ASCC3: variants seen among roughly 807,000 people sequenced by gnomAD.
The protein encoded by ASCC3 is ASC-1 complex subunit P200.
A neutral mutation model predicts 256.3 loss-of-function variants in ASCC3; 158 were observed. The ratio of observed to expected loss-of-function variants is 0.62; its 90% confidence interval spans 0.54 to 0.70. ASCC3 has a LOEUF of 0.70. Ranked by LOEUF, ASCC3 falls within the 30% of genes least tolerant of loss-of-function variation. ASCC3 has a pLI of 0.00. For missense variants in ASCC3, 2,259 were observed against 2,626.0 expected (o/e 0.86, Z 3.05); for synonymous variants, 948 against 883.4 (o/e 1.07, Z -1.30).
chr6:100,617,846 A>G (rs1379809698), intron 30 of ASCC3, among the ~76,000 whole-genome samples: 1 of 152,218 alleles, frequency 6.6e-6, no homozygotes, highest in Non-Finnish European at 1.5e-5. Context: ...AGAATCCCTC[A>G]GGGCCTGCCC....
At chr6:100,877,869 A>T (rs1189837641) in intron 1 of ASCC3, among the ~76,000 whole-genome samples, 1 of 152,202 alleles carries the variant, frequency 6.6e-6, no homozygotes, top group Non-Finnish European at 1.5e-5. Flanking sequence ...GCATGATTCT[A>T]GTTTTTAACA....
intron 13 of ASCC3, among the ~76,000 whole-genome samples, chr6:100,702,507 G>T (rs566003765): frequency 6.6e-6 from 1 of 152,196 alleles, no homozygotes; most frequent in Admixed American, 6.5e-5. Context: ...TCAGAAAAGA[G>T]GTCTGGGTTT....
intron 37 of ASCC3, among the ~76,000 whole-genome samples, chr6:100,526,731 GGAA>G (rs1774595906): frequency 6.6e-6 from 1 of 152,216 alleles, no homozygotes; most frequent in East Asian, 1.9e-4. Flanking sequence ...CTTTGCATTT[GGAA>G]GAATAATCAC....
At chr6:100,662,805 C>T (rs2114933597) in intron 14 of ASCC3, among the ~76,000 whole-genome samples, 1 of 152,060 alleles carries the variant, frequency 6.6e-6, no homozygotes, top group African/African-American at 2.4e-5. Context: ...TCCCTTTTTG[C>T]AATCAATCAG....
chr6:100,674,394 G>T (rs1351183715), intron 14 of ASCC3, among the ~76,000 whole-genome samples: 2 of 151,886 alleles, frequency 1.3e-5, no homozygotes, highest in Admixed American at 1.3e-4. Flanking sequence ...TACATATAAA[G>T]ATGTAGATAT....
chr6:100,648,521 A>G (rs1410980574), intron 20 of ASCC3, among the ~76,000 whole-genome samples: 1 of 152,050 alleles, frequency 6.6e-6, no homozygotes, highest in African/African-American at 2.4e-5. Flanking sequence ...TATATAAGAT[A>G]TGCGCTGTCT....
Position 100,767,235 on chromosome 6 carries a change from T to C in ASCC3, c.1506A>G (p.Gly502=). Residue 502 remains glycine (G), a synonymous_variant, in exon 9 of 42, where the codon GGA becomes GGG. Coordinates refer to ENST00000369162, the MANE Select transcript of ASCC3 (RefSeq NM_006828.4). ...GCATTGCAATGTTGGTTTTTCCAGC[T>C]CCTGTAGGGGCACAAATCAGCATGT... The part of the protein sequence containing the change: ...NENMLICAPT[G]AGKTNIAMLT... The C allele has an allele frequency of 6.2e-7, 1 of 1,614,128 alleles. No individual in the cohort carries two copies. The highest frequency in any genetic ancestry group is 8.5e-7 in the Non-Finnish European group (1 of 1,180,004).
At chr6:100,611,310 C>G (rs935961066) in intron 30 of ASCC3, among the ~76,000 whole-genome samples, 3 of 152,028 alleles carry the variant, frequency 2.0e-5, no homozygotes, top group African/African-American at 4.8e-5. Flanking sequence ...TCATAAAAAG[C>G]AAAATTTATA....
chr6:100,765,535 G>A (rs9498346), intron 10 of ASCC3, among the ~76,000 whole-genome samples: 148,232 of 152,254 alleles, frequency 0.97, 72,290 homozygotes, highest in East Asian at 1. Flanking sequence ...ACATCTACCT[G>A]TGTCCTGGAA....
chr6:100,736,626 G>A (rs1780182566), intron 10 of ASCC3, among the ~76,000 whole-genome samples: 1 of 152,160 alleles, frequency 6.6e-6, no homozygotes, highest in African/African-American at 2.4e-5. Flanking sequence ...GTGTATAAAA[G>A]CAAAGAAGCA....
rs151117368 is a variant in ASCC3 at position 100,743,947 on chromosome 6, G to T, written c.1738-18244C>A. Among the ~76,000 whole-genome samples the T allele has an allele frequency of 4.8e-3, 738 of 152,188 alleles. 6 individuals carry two copies. Among genetic ancestry groups the T allele is most frequent in the African/African-American group, 0.017 (709 of 41,520 alleles). On this transcript the variant is annotated intron_variant, in intron 10 of 41. Coordinates refer to ENST00000369162, the MANE Select transcript of ASCC3 (RefSeq NM_006828.4). The stretch of plus-strand genomic sequence containing the variant: ...ATCATCATCATTACCATCATGCAGG[G>T]TTTTTAAACTATTTTTAAAATTGTA...
chr6:100,549,787 T>C (rs1391648467), intron 36 of ASCC3, among the ~76,000 whole-genome samples: 1 of 151,842 alleles, frequency 6.6e-6, no homozygotes. Flanking sequence ...TATAAATGAA[T>C]AATTATTTTA....
At chr6:100,771,710 CA>C (rs1232413488) in intron 8 of ASCC3, among the ~76,000 whole-genome samples, 4 of 151,942 alleles carry the variant, frequency 2.6e-5, no homozygotes, top group African/African-American at 9.7e-5. Flanking sequence ...CACAACTATG[CA>C]CCTGTTAAAA....
Position 100,606,851 on chromosome 6 carries a change from C to T in ASCC3, c.4933G>A (p.Ala1645Thr). The T allele has an allele frequency of 6.2e-7, 1 of 1,611,200 alleles. No individual in the cohort carries two copies. The highest frequency in any genetic ancestry group is 8.5e-7 in the Non-Finnish European group (1 of 1,178,774). The change falls in exon 32 of 42, where the codon GCT (alanine) becomes ACT (threonine). Residue 1645 changes from alanine (A) to threonine (T), a missense_variant. Around this residue, in one of 2 missense-constraint regions of ASCC3, gnomAD observed 1,839 missense variants for 2,206.7 expected, o/e 0.83. Coordinates refer to ENST00000369162, the MANE Select transcript of ASCC3 (RefSeq NM_006828.4). ...FVNCKVQVLI[A>T]TSTLAWGVNF... ...ACACCCCAGGCTAATGTGCTTGTAG[C>T]AATAAGAACCTAAAAAGCAAAATAA...
intron 3 of ASCC3, chr6:100,856,498 TAAC>T (rs1772948460): frequency 3.6e-6 from 3 of 836,680 alleles, no homozygotes; most frequent in Non-Finnish European, 4.3e-6. Flanking sequence ...TTATTGAATA[TAAC>T]AAGAAAATAT....
At chr6:100,848,111 C>G in intron 4 of ASCC3, 37 bp downstream of exon 4, 1 of 1,519,454 alleles carries the variant, frequency 6.6e-7, no homozygotes, top group East Asian at 2.3e-5. Flanking sequence ...TAGGATAGTT[C>G]ACATTAATAT....
intron 38 of ASCC3, 116 bp from the exon 39 acceptor site, chr6:100,516,443 T>A: frequency 1.6e-6 from 2 of 1,276,380 alleles, no homozygotes; most frequent in African/African-American, 1.5e-5. Context: ...AATAACATTT[T>A]AAGACCATTA....
intron 11 of ASCC3, among the ~76,000 whole-genome samples, chr6:100,718,879 T>C (rs912987428): frequency 6.6e-6 from 1 of 152,186 alleles, no homozygotes; most frequent in Non-Finnish European, 1.5e-5. Flanking sequence ...GATTATGATG[T>C]AACATACCTA....
intron 34 of ASCC3, among the ~76,000 whole-genome samples, chr6:100,590,434 C>T (rs1397657529): frequency 1.3e-5 from 2 of 152,152 alleles, no homozygotes; most frequent in Admixed American, 6.6e-5. Flanking sequence ...CCCTGCAACA[C>T]TGAGAAGTTC....
Sources: allele counts gnomAD v4.1 joint callset (sites outside exome capture counted in the v4.1 genomes callset), GRCh38; gene constraint gnomAD v4.1.1; regional missense constraint gnomAD v4.1.1; transcripts MANE v1.5; gene names NCBI Gene and HGNC (gene_info 2026-07-23, HGNC 2026-07-21).